The following DDX42 variants were observed in gnomAD, a reference collection of about 807,000 sequenced individuals.
DDX42 encodes the protein DEAD-box helicase 42, also known as ATP-dependent RNA helicase DDX42.
Under a neutral mutation model 101.5 loss-of-function variants are expected in DDX42, and 22 were observed. The observed-to-expected ratio is 0.22, with a 90% confidence interval of 0.15 to 0.31. The LOEUF is 0.31. Ranked by LOEUF, DDX42 falls within the 10% of genes least tolerant of loss-of-function variation. The pLI is 1.00. For synonymous variants in DDX42, 402 were observed against 401.2 expected, an observed-to-expected ratio of 1.00 and a Z score of -0.02; for missense variants, 849 against 1,199.9, an observed-to-expected ratio of 0.71 and a Z score of 4.32.
chr17:63,812,993 C>T (rs770839905), intron 14 of DDX42, among the ~76,000 whole-genome samples: 2 of 152,140 alleles, frequency 1.3e-5, no homozygotes, highest in African/African-American at 2.4e-5. Flanking sequence ...GCACTGCACT[C>T]CCGTCTGGCA....
chr17:63,807,203 C>T (rs112823646), intron 8 of DDX42, among the ~76,000 whole-genome samples: 3 of 152,084 alleles, frequency 2.0e-5, no homozygotes, highest in Non-Finnish European at 2.9e-5. Flanking sequence ...TGCAGTGGCG[C>T]GATCTTGGCT....
chr17:63,817,390 GTTTTCAGAAC>G (rs960896387), intron 17 of DDX42: 44 of 324,488 alleles, frequency 1.4e-4, no homozygotes, highest in Non-Finnish European at 2.2e-4. Flanking sequence ...TTTTTTTTAA[GTTTTCAGAAC>G]TTTTTGGTTT....
At chr17:63,789,333 C>G (rs954776565) in intron 2 of DDX42, among the ~76,000 whole-genome samples, 1 of 152,018 alleles carries the variant, frequency 6.6e-6, no homozygotes, top group Non-Finnish European at 1.5e-5. Context: ...CCCGCCTCAG[C>G]CTCCCAAAAT....
chr17:63,812,334 C>T (rs1340978647), intron 14 of DDX42, 126 bp downstream of exon 14: 4 of 1,184,066 alleles, frequency 3.4e-6, no homozygotes, highest in Non-Finnish European at 4.6e-6. Flanking sequence ...GCCATCCCCT[C>T]CCAAACCCCC....
intron 9 of DDX42, 147 bp downstream of exon 9, chr17:63,808,047 C>CA (rs1412493701): frequency 1.1e-5 from 8 of 740,606 alleles, no homozygotes; most frequent in African/African-American, 1.1e-4. Flanking sequence ...TTTTAATGTA[C>CA]AGTTCAGTGG....
At position 63,815,617 on chromosome 17, in the gene DDX42, A is replaced by G. The variant is rs760374076; in HGVS notation, c.1957A>G (p.Ile653Val). The change falls in exon 16 of 18, where the codon ATT becomes GTT. Residue 653 changes from isoleucine (I) to valine (V), a missense_variant. Ile to Val is a conservative substitution (Grantham distance 29, BLOSUM62 3). Around this residue, in one of 5 missense-constraint regions of DDX42, gnomAD observed 86 missense variants for 160.8 expected, o/e 0.53. Transcript: ENST00000389924. ...FKGGKGKKLN[I>V]GGGGLGYRER... The stretch of plus-strand genomic sequence containing the variant: ...AGGAGGGAAAGGAAAAAAGCTGAAC[A>G]TTGGTGGAGGAGGCCTAGGCTACAG... 3 of 1,614,008 alleles carry G rather than the reference A, an allele frequency of 1.9e-6. No individual in the cohort carries two copies. Among genetic ancestry groups the G allele is most frequent in the Admixed American group, 1.7e-5 (1 of 60,012 alleles).
chr17:63,778,941 A>T (rs1050220615), intron 1 of DDX42, among the ~76,000 whole-genome samples: 2 of 152,098 alleles, frequency 1.3e-5, no homozygotes, highest in Admixed American at 1.3e-4. Context: ...GCAATAGTGG[A>T]GGTGGAGATG....
intron 3 of DDX42, among the ~76,000 whole-genome samples, chr17:63,795,819 T>C (rs1422278662): frequency 1.3e-5 from 2 of 152,214 alleles, no homozygotes; most frequent in African/African-American, 4.8e-5. Context: ...CTTAAGTTAC[T>C]TACTGAAGAA....
intron 14 of DDX42, 108 bp from the exon 15 acceptor site, chr17:63,813,120 C>T: frequency 9.7e-7 from 1 of 1,032,852 alleles, no homozygotes; most frequent in South Asian, 1.7e-5. Flanking sequence ...AACCCATGCG[C>T]TTTGCCTAGA....
rs1481739887 is a variant in DDX42, at chr17:63,779,706, C to CT, written c.-17+5331dup. Among the ~76,000 whole-genome samples the CT allele has an allele frequency of 3.9e-5, 6 of 152,102 alleles. No individual in the cohort carries two copies. In the East Asian group the frequency reaches 5.8e-4, roughly 15 times the overall value. The stretch of plus-strand genomic sequence containing the variant: ...AGCCCCTGGCAACCACTCTTCTACT[C>CT]TGTGTCTCTGAGTTTGACTATTCTA... On this transcript the variant is annotated intron_variant, in intron 1 of 17. Transcript: ENST00000389924.
At chr17:63,794,019 C>T (rs1323579339) in intron 3 of DDX42, among the ~76,000 whole-genome samples, 2 of 151,950 alleles carry the variant, frequency 1.3e-5, no homozygotes, top group Non-Finnish European at 1.5e-5. Flanking sequence ...TAGCTGTTTC[C>T]CATACATCAT....
chr17:63,799,220 G>T (rs961016653), intron 4 of DDX42, among the ~76,000 whole-genome samples: 1 of 152,078 alleles, frequency 6.6e-6, no homozygotes, highest in Non-Finnish European at 1.5e-5. Context: ...CCAAATACAA[G>T]ATTTTTTTTT....
intron 3 of DDX42, 52 bp downstream of exon 3, chr17:63,792,614 G>C (rs2039641998): frequency 6.6e-7 from 1 of 1,524,816 alleles, no homozygotes; most frequent in South Asian, 1.3e-5. Context: ...AATAGATCAA[G>C]TTAACTTAGT....
At chr17:63,815,235 C>T (rs1326659984) in intron 15 of DDX42, among the ~76,000 whole-genome samples, 4 of 152,136 alleles carry the variant, frequency 2.6e-5, no homozygotes, top group African/African-American at 7.2e-5. Flanking sequence ...AATATAAGCT[C>T]ATTTTCCTCA....
Position 63,818,372 on chromosome 17 carries a change from C to T in DDX42, c.2791C>T (p.Arg931Cys), listed in dbSNP as rs1340483871. 8.7e-6 allele frequency: 14 copies of T among 1,613,700 alleles called. No homozygotes were observed. Among genetic ancestry groups the T allele is most frequent in the African/African-American group, 2.7e-5 (2 of 75,022 alleles). ...DGFAVPEPPK[R>C]KKSRWDS is the part of the protein sequence containing the mutation. ...CTTTGCTGTCCCAGAGCCGCCTAAA[C>T]GCAAGAAAAGTCGATGGGACAGTTA... Residue 931 changes from arginine (R) to cysteine (C), a missense_variant, in exon 18 of 18, where the codon CGC becomes TGC. This residue lies in a region of DDX42 where 300 missense variants were observed against 304.9 expected (regional missense o/e 0.98). Transcript: ENST00000389924.
chr17:63,811,881 T>G, intron 13 of DDX42, 51 bp from the exon 14 acceptor site: 1 of 1,612,154 alleles, frequency 6.2e-7, no homozygotes, highest in South Asian at 1.1e-5. Flanking sequence ...CTTGTTCAGG[T>G]GCCCTGTGGC....
intron 1 of DDX42, among the ~76,000 whole-genome samples, chr17:63,785,307 G>A (rs1184108314): frequency 6.6e-6 from 1 of 151,406 alleles, no homozygotes; most frequent in East Asian, 2.0e-4. Flanking sequence ...AATATTAGCT[G>A]GATGTGGTGG....
chr17:63,800,844 TC>T (rs1187453442), intron 6 of DDX42, among the ~76,000 whole-genome samples: 1 of 152,260 alleles, frequency 6.6e-6, no homozygotes, highest in Non-Finnish European at 1.5e-5. Context: ...AACATTTTTT[TC>T]AAGTAATTGT....
chr17:63,784,026 T>C (rs1348295633), intron 1 of DDX42, among the ~76,000 whole-genome samples: 1 of 152,104 alleles, frequency 6.6e-6, no homozygotes, highest in South Asian at 2.1e-4. Context: ...ATTGTACCAC[T>C]GCACTCCAGC....
Sources: allele counts gnomAD v4.1 joint callset (sites outside exome capture counted in the v4.1 genomes callset), GRCh38; gene constraint gnomAD v4.1.1; regional missense constraint gnomAD v4.1.1; transcripts MANE v1.5; gene names NCBI Gene and HGNC (gene_info 2026-07-23, HGNC 2026-07-21).